PLXNA2: variants seen among roughly 807,000 people sequenced by gnomAD.
PLXNA2 encodes the protein plexin-A2.
PLXNA2 carries 91 observed loss-of-function variants against 193.5 expected under a neutral mutation model. That is an observed-to-expected ratio of 0.47 (90% CI 0.40 to 0.56). The LOEUF (loss-of-function observed/expected upper bound fraction) is 0.56, where lower values mean the gene tolerates loss of function less well. PLXNA2 is among the 20% of genes least tolerant of loss of function. PLXNA2 has a pLI of 0.00. For missense variants in PLXNA2, 1,995 were observed against 2,503.2 expected (o/e 0.80, Z 4.33); for synonymous variants, 997 against 1,027.3 (o/e 0.97, Z 0.56).
chr1:208,118,130 AT>A (rs1206013901), intron 4 of PLXNA2, among the ~76,000 whole-genome samples: 1 of 152,178 alleles, frequency 6.6e-6, no homozygotes, highest in Non-Finnish European at 1.5e-5. Flanking sequence ...TCACTAGCAT[AT>A]TGTCATGAGG....
intron 24 of PLXNA2, 23 bp from the exon 25 acceptor site, chr1:208,039,007 G>C: frequency 6.2e-7 from 1 of 1,609,684 alleles, no homozygotes. Flanking sequence ...GACAGAGGGT[G>C]AGCAGGACAG....
At chr1:208,162,833 A>G (rs898909648) in intron 3 of PLXNA2, among the ~76,000 whole-genome samples, 1 of 152,186 alleles carries the variant, frequency 6.6e-6, no homozygotes, top group African/African-American at 2.4e-5. Flanking sequence ...TTGAGCTCAA[A>G]TAATCCCACT....
chr1:208,206,549 C>T (rs533701405), intron 3 of PLXNA2, among the ~76,000 whole-genome samples: 68 of 152,236 alleles, frequency 4.5e-4, no homozygotes, highest in African/African-American at 1.6e-3. Context: ...GTCTAGAATG[C>T]CCTTCTCTCC....
chr1:208,091,145 T>C (rs1300232146), intron 9 of PLXNA2, among the ~76,000 whole-genome samples: 2 of 152,218 alleles, frequency 1.3e-5, no homozygotes, highest in African/African-American at 4.8e-5. Flanking sequence ...GATGCCTGGT[T>C]TCGTCATGCT....
At chr1:208,058,251 G>T (rs1665505478) in intron 13 of PLXNA2, among the ~76,000 whole-genome samples, 1 of 152,216 alleles carries the variant, frequency 6.6e-6, no homozygotes, top group Non-Finnish European at 1.5e-5. Context: ...CTGAGCTGCA[G>T]CCTCAACATG....
intron 9 of PLXNA2, 54 bp from the exon 10 acceptor site, chr1:208,084,634 T>C: frequency 1.9e-6 from 3 of 1,543,042 alleles, no homozygotes; most frequent in Non-Finnish European, 2.7e-6. Context: ...CTGTCCTATG[T>C]GCCTGGGACA....
chr1:208,234,546 C>T (rs1431189180), intron 1 of PLXNA2, among the ~76,000 whole-genome samples: 1 of 152,076 alleles, frequency 6.6e-6, no homozygotes, highest in Non-Finnish European at 1.5e-5. Context: ...TAATGCTTCT[C>T]CCCAGACATC....
At chr1:208,075,998 C>A (rs373313087) in intron 12 of PLXNA2, among the ~76,000 whole-genome samples, 2 of 145,610 alleles carry the variant, frequency 1.4e-5, no homozygotes, top group Non-Finnish European at 1.5e-5. Context: ...GTGGAGGTTG[C>A]AGTGAGCCAA....
chr1:208,049,276 A>G (rs529776840), intron 17 of PLXNA2, among the ~76,000 whole-genome samples: 3 of 149,046 alleles, frequency 2.0e-5, no homozygotes, highest in Non-Finnish European at 4.4e-5. Flanking sequence ...AATAAAACCT[A>G]TATTTTAAAA....
chr1:208,042,041 T>A, intron 22 of PLXNA2, 57 bp downstream of exon 22: 2 of 1,560,930 alleles, frequency 1.3e-6, no homozygotes, highest in Non-Finnish European at 1.7e-6. Context: ...TATAATGAGG[T>A]GCTCTGTCCA....
At chr1:208,122,479 T>C (rs1265952918) in intron 4 of PLXNA2, among the ~76,000 whole-genome samples, 1 of 152,224 alleles carries the variant, frequency 6.6e-6, no homozygotes, top group African/African-American at 2.4e-5. Flanking sequence ...AATAGGAATG[T>C]TGTGAAGATT....
intron 4 of PLXNA2, among the ~76,000 whole-genome samples, chr1:208,111,431 C>T (rs1199003227): frequency 2.0e-5 from 3 of 152,106 alleles, no homozygotes; most frequent in African/African-American, 7.2e-5. Context: ...GCAGGCTCCA[C>T]GTTTTCCATC....
chr1:208,101,172 C>A (rs370575196), intron 5 of PLXNA2, among the ~76,000 whole-genome samples: 1 of 152,166 alleles, frequency 6.6e-6, no homozygotes, highest in Non-Finnish European at 1.5e-5. Flanking sequence ...ACAGCCCTAA[C>A]AGAGATAAAT....
chr1:208,233,019 C>A (rs1460355870), intron 1 of PLXNA2, among the ~76,000 whole-genome samples: 1 of 152,194 alleles, frequency 6.6e-6, no homozygotes, highest in Non-Finnish European at 1.5e-5. Flanking sequence ...CTTCTTGAGA[C>A]CTGGCCATCT....
chr1:208,190,254 C>G (rs1411288263), intron 3 of PLXNA2, among the ~76,000 whole-genome samples: 1 of 152,110 alleles, frequency 6.6e-6, no homozygotes, highest in Non-Finnish European at 1.5e-5. Context: ...CCTTTCTGAC[C>G]TTGTGCAGAG....
At chr1:208,059,122 T>G (rs995087118) in intron 13 of PLXNA2, among the ~76,000 whole-genome samples, 6 of 152,064 alleles carry the variant, frequency 3.9e-5, no homozygotes, top group Non-Finnish European at 8.8e-5. Flanking sequence ...TGAGGTGGAT[T>G]TGGGGTCGTG....
At chr1:208,212,629 T>C (rs571125107) in intron 2 of PLXNA2, among the ~76,000 whole-genome samples, 4 of 152,158 alleles carry the variant, frequency 2.6e-5, no homozygotes, top group Non-Finnish European at 5.9e-5. Flanking sequence ...ACCATGGCAA[T>C]TGGCAGAGGC....
intron 11 of PLXNA2, among the ~76,000 whole-genome samples, chr1:208,080,817 C>T (rs1666314286): frequency 6.6e-6 from 1 of 152,214 alleles, no homozygotes; most frequent in South Asian, 2.1e-4. Context: ...CTTCCCTCCA[C>T]TTCACAGATA....
At chr1:208,183,279 G>T (rs959902274) in intron 3 of PLXNA2, among the ~76,000 whole-genome samples, 6 of 152,204 alleles carry the variant, frequency 3.9e-5, no homozygotes, top group Admixed American at 3.9e-4. Flanking sequence ...CGGAGGGAGG[G>T]CAGTGAGAGC....
Sources: gnomAD v4.1 joint callset for allele counts (sites outside exome capture counted in the v4.1 genomes callset) on GRCh38, gnomAD v4.1.1 for gene constraint, MANE v1.5 for transcripts, NCBI Gene and HGNC (gene_info 2026-07-23, HGNC 2026-07-21) for gene names.